Variants in HTT observed in about 807,000 individuals in gnomAD.
The protein encoded by HTT is huntingtin, also known as huntington disease protein.
Under a neutral mutation model 362.3 loss-of-function variants are expected in HTT, and 104 were observed. That is an observed-to-expected ratio of 0.29 (90% CI 0.24 to 0.34). The LOEUF (loss-of-function observed/expected upper bound fraction) is 0.34, where lower values mean the gene tolerates loss of function less well. Among genes scored for constraint, HTT ranks in the 10% least tolerant of loss-of-function variants. The pLI is 1.00. For synonymous variants in HTT, 1,577 were observed against 1,548.7 expected, an observed-to-expected ratio of 1.02 and a Z score of -0.43; for missense variants, 3,301 against 3,928.6, an observed-to-expected ratio of 0.84 and a Z score of 4.27.
At chr4:3,138,099 T>TC (rs1203241855) in intron 21 of HTT, among the ~76,000 whole-genome samples, 1 of 148,550 alleles carries the variant, frequency 6.7e-6, no homozygotes. Flanking sequence ...CTTCCTTCCT[T>TC]CTTTCCTTCC....
In HTT at chr4:3,133,276, G is replaced by A. The variant is rs565358043; in HGVS notation, c.2493+365G>A. 2.0e-5 allele frequency among the ~76,000 whole-genome samples: 3 copies of A among 150,800 alleles called. No individual in the cohort carries two copies. The South Asian group carries it at 6.3e-4, about 32-fold the overall frequency. ...AGGTGGAAGGATTGCTTGAGCCCAG[G>A]AGTTCAAGACTATGGGCAACATAGT... is the stretch of plus-strand genomic sequence containing the variant. On this transcript the variant is annotated intron_variant, in intron 18 of 66. Coordinates refer to ENST00000355072, the MANE Select transcript of HTT (RefSeq NM_001388492.1).
chr4:3,238,444 C>T lies in HTT; in HGVS notation c.8892-3C>T, dbSNP rs1383942461. The T allele has an allele frequency of 6.2e-7, 1 of 1,606,396 alleles. No homozygotes were observed. Reference sequence around the variant, plus strand: ...AGTCTCTGACCTGCGTCCCTCCTCCCAGGATCAGGAAAGGCTTTCCTTGTG... The same window carrying T: ...AGTCTCTGACCTGCGTCCCTCCTCCTAGGATCAGGAAAGGCTTTCCTTGTG... On this transcript the variant is annotated splice_polypyrimidine_tract_variant and splice_region_variant and intron_variant, in intron 64 of 66. Coordinates refer to ENST00000355072, the MANE Select transcript of HTT (RefSeq NM_001388492.1).
At chr4:3,234,948 G>A (rs555252508) in intron 61 of HTT, among the ~76,000 whole-genome samples, 1 of 152,230 alleles carries the variant, frequency 6.6e-6, no homozygotes, top group Non-Finnish European at 1.5e-5. Flanking sequence ...AAGTAGAGGG[G>A]ACTGGCCTGG....
At position 3,147,898 on chromosome 4, in the gene HTT, G is replaced by A; in HGVS notation, c.3296-107G>A. 4 of 809,794 alleles carry A rather than the reference G, an allele frequency of 4.9e-6. 1 individual carries two copies. The South Asian group carries it at 5.8e-5, about 12-fold the overall frequency. 50.2% of individuals were successfully genotyped at this position (809,794 alleles called of 1,614,324 possible). On this transcript the variant is annotated intron_variant, in intron 25 of 66. Coordinates refer to ENST00000355072, the MANE Select transcript of HTT (RefSeq NM_001388492.1). The stretch of plus-strand genomic sequence containing the variant: ...TATCAGTTGAATATCAGGCACAGAT[G>A]TCTGGCCAACTCTCAACATAGGGTC...
chr4:3,099,966 A>G (rs889100969), intron 3 of HTT, among the ~76,000 whole-genome samples: 1 of 151,444 alleles, frequency 6.6e-6, no homozygotes, highest in Non-Finnish European at 1.5e-5. Flanking sequence ...GCTCTATTGT[A>G]TGGTTTGGAG....
chr4:3,138,489 A>T (rs920368222), intron 21 of HTT, among the ~76,000 whole-genome samples: 9 of 152,192 alleles, frequency 5.9e-5, no homozygotes, highest in African/African-American at 2.2e-4. Flanking sequence ...ATATAGCAGA[A>T]ACATGCCAAA....
At chr4:3,167,824 A>T (rs1322252686) in intron 29 of HTT, among the ~76,000 whole-genome samples, 1 of 152,236 alleles carries the variant, frequency 6.6e-6, no homozygotes, top group Non-Finnish European at 1.5e-5. Context: ...TACATTTGGC[A>T]TAAGAATAAC....
Position 3,099,338 on chromosome 4 carries a change from G to A in HTT, c.412G>A (p.Asp138Asn). 6.2e-7 allele frequency: 1 copy of A among 1,613,860 alleles called. No individual in the cohort carries two copies. The highest frequency in any genetic ancestry group is 8.5e-7 in the Non-Finnish European group (1 of 1,179,734). ...AMELFLLCSD[D>N]AESDVRMVAD... Reference sequence around the variant, plus strand: ...GGAACTTTTTCTGCTGTGCAGTGATGACGCAGAGTCAGATGTCAGGATGGT... The same window carrying A: ...GGAACTTTTTCTGCTGTGCAGTGATAACGCAGAGTCAGATGTCAGGATGGT... Residue 138 changes from aspartate (D) to asparagine (N), a missense_variant, in exon 3 of 67, where the codon GAC becomes AAC. This residue lies in a region of HTT where 2,316 missense variants were observed against 2,658.5 expected (regional missense o/e 0.87). Coordinates refer to ENST00000355072, the MANE Select transcript of HTT (RefSeq NM_001388492.1).
intron 1 of HTT, among the ~76,000 whole-genome samples, chr4:3,078,984 C>G (rs1712732456): frequency 6.6e-6 from 1 of 152,146 alleles, no homozygotes; most frequent in African/African-American, 2.4e-5. Context: ...ATCCGCCGAC[C>G]TTGTGATCCG....
intron 45 of HTT, among the ~76,000 whole-genome samples, 176 bp from the exon 46 acceptor site, chr4:3,208,597 G>T (rs1719980838): frequency 6.6e-6 from 1 of 152,096 alleles, no homozygotes; most frequent in East Asian, 1.9e-4. Flanking sequence ...GAGTATTGAT[G>T]AGAAGATAGC....
chr4:3,092,092 G>A (rs900453856), intron 2 of HTT, among the ~76,000 whole-genome samples: 7 of 152,222 alleles, frequency 4.6e-5, no homozygotes, highest in South Asian at 2.1e-4. Context: ...GTGCGATCTC[G>A]GCTCACTGCA....
In HTT at chr4:3,173,088, C is replaced by T. The variant is rs1299780014; in HGVS notation, c.4123C>T (p.Leu1375=). 6.2e-7 allele frequency: 1 copy of T among 1,614,166 alleles called. No homozygotes were observed. The highest frequency in any genetic ancestry group is 1.1e-5 in the South Asian group (1 of 91,076). ...HFTQALADAS[L]RNMVQAEQEN... The stretch of plus-strand genomic sequence containing the variant: ...CACCCAGGCCCTCGCTGACGCCAGC[C>T]TGAGGAACATGGTGCAGGCGGAGCA... The change falls in exon 31 of 67, where the codon CTG becomes TTG. Residue 1375 remains leucine (L), a synonymous_variant. Coordinates refer to ENST00000355072, the MANE Select transcript of HTT (RefSeq NM_001388492.1).
At chr4:3,236,343 G>A (rs1721529957) in intron 64 of HTT, 89 bp downstream of exon 64, 2 of 918,862 alleles carry the variant, frequency 2.2e-6, no homozygotes, top group South Asian at 2.6e-5. Flanking sequence ...CTGATCCCCT[G>A]GCGCTGTTGC....
At chr4:3,232,189 A>G (rs1686939778) in intron 60 of HTT, among the ~76,000 whole-genome samples, 1 of 152,180 alleles carries the variant, frequency 6.6e-6, no homozygotes, top group South Asian at 2.1e-4. Context: ...TGGGGGCCCA[A>G]GAAGGAAGTG....
At chr4:3,182,234 T>C in intron 36 of HTT, 120 bp from the exon 37 acceptor site, 1 of 659,890 alleles carries the variant, frequency 1.5e-6, no homozygotes, top group East Asian at 2.6e-5. Context: ...CTCGCTGGGA[T>C]CACATCTGTT....
chr4:3,187,430 C>G (rs1402507427), intron 38 of HTT, among the ~76,000 whole-genome samples: 2 of 152,220 alleles, frequency 1.3e-5, no homozygotes, highest in Admixed American at 1.3e-4. Context: ...GTTGGGATTA[C>G]AGGTGGCTCT....
At chr4:3,087,720 C>G (rs74890150) in intron 2 of HTT, among the ~76,000 whole-genome samples, 3,397 of 152,318 alleles carry the variant, frequency 0.022, 102 homozygotes, top group African/African-American at 0.073. Context: ...CCTTGCCTTA[C>G]TTTCCCTTGG....
chr4:3,239,015 C>T (rs1721681146), intron 66 of HTT, 37 bp downstream of exon 66: 4 of 1,569,330 alleles, frequency 2.5e-6, no homozygotes, highest in Non-Finnish European at 3.4e-6. Flanking sequence ...GCCCCGTTTC[C>T]CTTGTCAACA....
chr4:3,239,150 G>A lies in HTT; in HGVS notation c.9215+172G>A, dbSNP rs574025761. Among the ~76,000 whole-genome samples the A allele has an allele frequency of 1.2e-4, 18 of 152,290 alleles. No individual in the cohort carries two copies. In the East Asian group the frequency reaches 1.5e-3, roughly 13 times the overall value. On this transcript the variant is annotated intron_variant, in intron 66 of 66. Transcript: ENST00000355072. ...CTGACAGGGGTACAGAAAGGAGCACGTCCAGACATTTGCTGACCAGGGCCT... is the reference window on the plus strand; with the variant it reads ...CTGACAGGGGTACAGAAAGGAGCACATCCAGACATTTGCTGACCAGGGCCT...
Sources: gnomAD v4.1 joint callset for allele counts (sites outside exome capture counted in the v4.1 genomes callset) on GRCh38, gnomAD v4.1.1 for gene constraint, gnomAD v4.1.1 regional missense constraint, MANE v1.5 for transcripts, NCBI Gene and HGNC (gene_info 2026-07-23, HGNC 2026-07-21) for gene names.